Variants in PSMA3 observed in about 807,000 individuals in gnomAD.
The protein encoded by PSMA3 is proteasome subunit alpha type-3.
PSMA3 carries 8 observed loss-of-function variants against 40.0 expected under a neutral mutation model. The ratio of observed to expected loss-of-function variants is 0.20; its 90% CI spans 0.12 to 0.36. The LOEUF is 0.36. PSMA3 is among the 10% of genes least tolerant of loss of function. PSMA3 has a pLI of 1.00. For missense variants in PSMA3, 219 were observed against 310.6 expected (o/e 0.70, Z 2.22); for synonymous variants, 110 against 100.0 (o/e 1.10, Z -0.59).
chr14:58,263,535 G>A (rs1270610615), intron 6 of PSMA3, 170 bp from the exon 7 acceptor site: 2 of 476,952 alleles, frequency 4.2e-6, no homozygotes, highest in African/African-American at 3.9e-5. Context: ...TGGTATTTTA[G>A]TATTTTTGAG....
At chr14:58,251,950 A>AT (rs1334304030) in intron 2 of PSMA3, among the ~76,000 whole-genome samples, 169 bp from the exon 3 acceptor site, 1 of 152,168 alleles carries the variant, frequency 6.6e-6, no homozygotes, top group African/African-American at 2.4e-5. Flanking sequence ...ATTTATATGG[A>AT]TTTAATGTAT....
Position 58,270,485 on chromosome 14 carries a change from T to G in PSMA3, c.658T>G (p.Leu220Val). The G allele has an allele frequency of 6.2e-7, 1 of 1,613,650 alleles. No individual in the cohort carries two copies. The highest frequency in any genetic ancestry group is 8.5e-7 in the Non-Finnish European group (1 of 1,179,740). ...FELELSWVGE[L>V]TNGRHEIVPK... ...ACTAGAACTCAGCTGGGTTGGTGAA[T>G]GTAAGTTATTTTTGTACATTTATTT... Residue 220 changes from leucine to valine, a missense_variant and splice_region_variant, in exon 9 of 11, where the codon TTA becomes GTA. By Grantham distance (32) the Leu-to-Val change is conservative. Coordinates refer to ENST00000216455, the MANE Select transcript of PSMA3 (RefSeq NM_002788.4).
chr14:58,265,302 ATCTG>A (rs772651441), intron 7 of PSMA3: 3 of 152,172 alleles, frequency 2.0e-5, no homozygotes, highest in African/African-American at 7.2e-5. Context: ...AGCAGTTACT[ATCTG>A]TCTTTCTGTA....
chr14:58,258,058 C>T, intron 5 of PSMA3, 60 bp downstream of exon 5: 4 of 1,319,928 alleles, frequency 3.0e-6, no homozygotes, highest in Non-Finnish European at 4.4e-6. Flanking sequence ...TTATTATGTT[C>T]CCCAGCATCT....
chr14:58,253,932 T>C (rs1890075873), intron 3 of PSMA3, among the ~76,000 whole-genome samples: 1 of 152,126 alleles, frequency 6.6e-6, no homozygotes, highest in Non-Finnish European at 1.5e-5. Flanking sequence ...TAGTATTCCA[T>C]TGTGTATATA....
At chr14:58,245,504 T>G (rs984263839) in intron 1 of PSMA3, 2 of 152,714 alleles carry the variant, frequency 1.3e-5, no homozygotes, top group Non-Finnish European at 2.9e-5. Flanking sequence ...CAGTTTTTCC[T>G]TTCTCGTTTT....
In PSMA3 at chr14:58,248,054, G is replaced by A. The variant is rs570078697; in HGVS notation, c.104+222G>A. Among the ~76,000 whole-genome samples the A allele has an allele frequency of 3.3e-5, 5 of 152,124 alleles. No homozygotes were observed. The East Asian group carries it at 5.8e-4, about 18-fold the overall frequency. On this transcript the variant is annotated intron_variant, in intron 2 of 10. Coordinates refer to ENST00000216455, the MANE Select transcript of PSMA3 (RefSeq NM_002788.4). ...ACTTAGATTTTCCATGTTGCAGAGT[G>A]TATAAATCACATTCATTATCATCTT...
chr14:58,262,474 G>C (rs967854875), intron 6 of PSMA3, among the ~76,000 whole-genome samples: 1 of 152,118 alleles, frequency 6.6e-6, no homozygotes, highest in African/African-American at 2.4e-5. Flanking sequence ...CCAAAATGCT[G>C]GGATTATAGG....
chr14:58,247,540 ATCCATTAC>A (rs1399060021), intron 1 of PSMA3, among the ~76,000 whole-genome samples: 1 of 152,182 alleles, frequency 6.6e-6, no homozygotes, highest in East Asian at 1.9e-4. Flanking sequence ...TGGGACCTGT[ATCCATTAC>A]TCTTCAATAG....
chr14:58,246,474 C>T (rs1889882755), intron 1 of PSMA3, among the ~76,000 whole-genome samples: 1 of 152,228 alleles, frequency 6.6e-6, no homozygotes, highest in African/African-American at 2.4e-5. Flanking sequence ...TCTTGGCTCA[C>T]TGCAACCTGT....
At chr14:58,268,475 AC>A (rs1890510363) in intron 8 of PSMA3, among the ~76,000 whole-genome samples, 1 of 152,074 alleles carries the variant, frequency 6.6e-6, no homozygotes, top group South Asian at 2.1e-4. Context: ...TACTGCCTTT[AC>A]CCCTCTTGCC....
At chr14:58,263,643 A>T in intron 6 of PSMA3, 62 bp from the exon 7 acceptor site, 1 of 1,297,412 alleles carries the variant, frequency 7.7e-7, no homozygotes, top group Non-Finnish European at 1.1e-6. Context: ...AAACATTAGT[A>T]GTCATTAATT....
rs140083103 is a variant in PSMA3, at chr14:58,254,333, C to T, written c.228+2091C>T. On this transcript the variant is annotated intron_variant, in intron 3 of 10. Transcript: ENST00000216455. ...AATATTTTGAAAAAAATTATGCATG[C>T]ATATATATATGTATGTACACACACA... Among the ~76,000 whole-genome samples the T allele has an allele frequency of 2.0e-3, 48 of 23,796 alleles. 5 individuals carry two copies. The Admixed American group carries it at 0.022, about 11-fold the overall frequency. 15.6% of individuals were successfully genotyped at this position (23,796 alleles called of 152,430 possible).
chr14:58,253,046 G>A (rs1221672714), intron 3 of PSMA3, among the ~76,000 whole-genome samples: 1 of 150,412 alleles, frequency 6.6e-6, no homozygotes, highest in African/African-American at 2.5e-5. Flanking sequence ...GTGCAGTGGC[G>A]CCATCTCAGC....
chr14:58,257,268 C>T (rs573938897), intron 3 of PSMA3, among the ~76,000 whole-genome samples: 29 of 152,214 alleles, frequency 1.9e-4, no homozygotes, highest in Middle Eastern at 3.4e-3. Flanking sequence ...GAGGCTGAGG[C>T]AGGCAGATCA....
intron 3 of PSMA3, among the ~76,000 whole-genome samples, chr14:58,252,893 C>T (rs1340874549): frequency 6.6e-6 from 1 of 150,958 alleles, no homozygotes; most frequent in Non-Finnish European, 1.5e-5. Flanking sequence ...GAGAATATCT[C>T]TATATTAGGT....
intron 3 of PSMA3, among the ~76,000 whole-genome samples, chr14:58,255,239 A>G: frequency 6.6e-6 from 1 of 152,268 alleles, no homozygotes; most frequent in East Asian, 1.9e-4. Flanking sequence ...TTAAAAATTA[A>G]AATGTTTTAT....
chr14:58,261,872 T>C (rs1270688452), intron 6 of PSMA3, among the ~76,000 whole-genome samples: 1 of 152,126 alleles, frequency 6.6e-6, no homozygotes, highest in Non-Finnish European at 1.5e-5. Flanking sequence ...TGCCTTGGAC[T>C]CCCAAAATGC....
chr14:58,263,873 G>C, intron 7 of PSMA3, 103 bp downstream of exon 7: 1 of 986,008 alleles, frequency 1.0e-6, no homozygotes, highest in Non-Finnish European at 1.6e-6. Context: ...CAATCATTTG[G>C]CTTCCCTGGG....
Sources: gnomAD v4.1 joint callset for allele counts (sites outside exome capture counted in the v4.1 genomes callset) on GRCh38, gnomAD v4.1.1 for gene constraint, MANE v1.5 for transcripts, NCBI Gene and HGNC (gene_info 2026-07-23, HGNC 2026-07-21) for gene names.